The following RYR3 variants were observed in gnomAD, a reference collection of about 807,000 sequenced individuals.
RYR3 encodes the protein ryanodine receptor 3, also known as brain ryanodine receptor-calcium release channel.
A neutral mutation model predicts 584.3 loss-of-function variants in RYR3; 207 were observed. That is an observed-to-expected ratio of 0.35 (90% CI 0.32 to 0.40). RYR3 has a LOEUF of 0.40. Ranked by LOEUF, RYR3 falls within the 10% of genes least tolerant of loss-of-function variation. The probability of loss-of-function intolerance (pLI) is 1.00; values close to 1 mark genes in which losing one functional copy is unlikely to be tolerated. For synonymous variants in RYR3, 2,416 were observed against 2,248.5 expected, an observed-to-expected ratio of 1.07 and a Z score of -2.11; for missense variants, 5,616 against 6,089.2, an observed-to-expected ratio of 0.92 and a Z score of 2.59.
intron 102 of RYR3, among the ~76,000 whole-genome samples, chr15:33,863,638 C>T (rs1597136443): frequency 1.3e-5 from 2 of 152,112 alleles, no homozygotes; most frequent in Admixed American, 6.5e-5. Context: ...CTGGCATTCC[C>T]GCAGCTATTT....
chr15:33,733,656 G>A (rs910093445), intron 48 of RYR3, among the ~76,000 whole-genome samples: 2 of 151,896 alleles, frequency 1.3e-5, no homozygotes, highest in Non-Finnish European at 2.9e-5. Flanking sequence ...TATAATGATG[G>A]ATGTATGTCA....
At chr15:33,318,809 G>A (rs946231625) in intron 1 of RYR3, among the ~76,000 whole-genome samples, 1 of 152,138 alleles carries the variant, frequency 6.6e-6, no homozygotes, top group African/African-American at 2.4e-5. Context: ...GTAAGATAAG[G>A]TGACTCTACA....
At chr15:33,572,688 C>CACACACACACACACACAT (rs368204203) in intron 12 of RYR3, among the ~76,000 whole-genome samples, 39 of 131,456 alleles carry the variant, frequency 3.0e-4, no homozygotes, top group African/African-American at 5.8e-4. Context: ...CACACACACA[C>CACACACACACACACACAT]ACTGGGCTGG....
chr15:33,333,774 T>C (rs760974603), intron 1 of RYR3, among the ~76,000 whole-genome samples: 3 of 152,194 alleles, frequency 2.0e-5, no homozygotes, highest in Non-Finnish European at 4.4e-5. Flanking sequence ...GCAGACAACA[T>C]GTTCCTATAT....
intron 1 of RYR3, among the ~76,000 whole-genome samples, chr15:33,399,377 G>A (rs1314627478): frequency 1.3e-5 from 2 of 152,164 alleles, no homozygotes; most frequent in Non-Finnish European, 2.9e-5. Flanking sequence ...AGTGGCTCGT[G>A]CCTGTACAAT....
intron 80 of RYR3, among the ~76,000 whole-genome samples, chr15:33,822,559 A>G (rs1021969462): frequency 6.6e-6 from 1 of 152,260 alleles, no homozygotes; most frequent in African/African-American, 2.4e-5. Context: ...TTAAAAAACA[A>G]AATTTTTATT....
chr15:33,798,934 C>G (rs2075771321), intron 67 of RYR3, among the ~76,000 whole-genome samples: 1 of 152,140 alleles, frequency 6.6e-6, no homozygotes, highest in African/African-American at 2.4e-5. Context: ...GTAGGAGGTA[C>G]AGGCTACCCA....
chr15:33,606,552 G>A (rs1197150441), intron 18 of RYR3, among the ~76,000 whole-genome samples: 2 of 152,148 alleles, frequency 1.3e-5, no homozygotes, highest in Admixed American at 6.5e-5. Flanking sequence ...TGGAAGCCTG[G>A]GAAGTCATTT....
At chr15:33,332,355 A>C (rs1970462338) in intron 1 of RYR3, among the ~76,000 whole-genome samples, 1 of 152,232 alleles carries the variant, frequency 6.6e-6, no homozygotes, top group South Asian at 2.1e-4. Flanking sequence ...TGCTGCAAGA[A>C]GAAATTGTTA....
intron 57 of RYR3, 43 bp downstream of exon 57, chr15:33,750,329 C>A: frequency 6.3e-7 from 1 of 1,594,536 alleles, no homozygotes; most frequent in Non-Finnish European, 8.6e-7. Flanking sequence ...AGGGCTGTGC[C>A]TCCCTAGATA....
chr15:33,809,268 C>A (rs1284409240), intron 70 of RYR3, among the ~76,000 whole-genome samples: 1 of 152,180 alleles, frequency 6.6e-6, no homozygotes, highest in African/African-American at 2.4e-5. Context: ...TCATGATAAA[C>A]CACAGTGCTG....
intron 93 of RYR3, chr15:33,847,753 T>C (rs1258048535): frequency 6.6e-6 from 1 of 152,450 alleles, no homozygotes; most frequent in African/African-American, 2.4e-5. Flanking sequence ...GGACAGAATC[T>C]CAGGAAGAAA....
intron 10 of RYR3, among the ~76,000 whole-genome samples, chr15:33,558,499 G>A (rs1595585255): frequency 6.6e-6 from 1 of 151,930 alleles, no homozygotes; most frequent in African/African-American, 2.4e-5. Context: ...GTCTATCATT[G>A]TTGGACATTT....
chr15:33,461,756 C>T (rs189627317), intron 1 of RYR3, among the ~76,000 whole-genome samples: 272 of 152,298 alleles, frequency 1.8e-3, no homozygotes, highest in African/African-American at 6.4e-3. Flanking sequence ...CCCAAACATC[C>T]GTGTGTTCTT....
intron 62 of RYR3, 35 bp from the exon 63 acceptor site, chr15:33,771,885 T>C: frequency 6.6e-7 from 1 of 1,518,206 alleles, no homozygotes; most frequent in Non-Finnish European, 9.0e-7. Context: ...AAAGTTCAGA[T>C]TATGCTTCTA....
intron 29 of RYR3, among the ~76,000 whole-genome samples, chr15:33,647,203 A>G (rs1243439921): frequency 6.6e-6 from 1 of 152,084 alleles, no homozygotes; most frequent in Non-Finnish European, 1.5e-5. Flanking sequence ...CATCTAACTT[A>G]CCATCTGGGC....
chr15:33,337,082 A>AT (rs1971204225), intron 1 of RYR3, among the ~76,000 whole-genome samples: 1 of 139,548 alleles, frequency 7.2e-6, no homozygotes, highest in Non-Finnish European at 1.6e-5. Context: ...AAAAAAAAAA[A>AT]GTTTATAAAA....
intron 5 of RYR3, among the ~76,000 whole-genome samples, chr15:33,538,620 G>C (rs149224833): frequency 6.6e-6 from 1 of 152,106 alleles, no homozygotes; most frequent in Non-Finnish European, 1.5e-5. Flanking sequence ...AAGGCATCAG[G>C]GATTTGAATG....
At chr15:33,332,356 G>T (rs940664630) in intron 1 of RYR3, among the ~76,000 whole-genome samples, 3 of 152,020 alleles carry the variant, frequency 2.0e-5, no homozygotes, top group Non-Finnish European at 2.9e-5. Context: ...GCTGCAAGAA[G>T]AAATTGTTAA....
Sources: allele counts gnomAD v4.1 joint callset (sites outside exome capture counted in the v4.1 genomes callset), GRCh38; gene constraint gnomAD v4.1.1; transcripts MANE v1.5; gene names NCBI Gene and HGNC (gene_info 2026-07-23, HGNC 2026-07-21).